CHRFAM7A: variants seen among roughly 807,000 people sequenced by gnomAD.
CHRFAM7A encodes CHRNA7 (exons 5-10) and FAM7A (exons A-E) fusion.
A neutral mutation model predicts 29.2 loss-of-function variants in CHRFAM7A; 3 were observed. The ratio of observed to expected loss-of-function variants is 0.10; its 90% CI spans 0.05 to 0.27. The LOEUF (loss-of-function observed/expected upper bound fraction) is 0.27, where lower values mean the gene tolerates loss of function less well. Among genes scored for constraint, CHRFAM7A ranks in the 10% least tolerant of loss-of-function variants. The pLI, the probability that CHRFAM7A is intolerant of heterozygous loss-of-function variation, is 1.00. For missense variants in CHRFAM7A, 22 were observed against 328.0 expected, an observed-to-expected ratio of 0.07 and a Z score of 7.21; for synonymous variants, 7 against 135.4, an observed-to-expected ratio of 0.05 and a Z score of 6.58.
Position 30,373,818 on chromosome 15 carries a change from G to A in CHRFAM7A, c.161-673C>T, listed in dbSNP as rs1461066146. 1.8e-4 allele frequency among the ~76,000 whole-genome samples: 17 copies of A among 92,730 alleles called. No individual in the cohort carries two copies. The East Asian group carries it at 3.6e-3, about 20-fold the overall frequency. 60.8% of individuals were successfully genotyped at this position (92,730 alleles called of 152,430 possible). ...ATCTCTAATAAAAAAAATTAGCTGG[G>A]TGAGGTGATGCATGCCTGTAGTCCC... is the stretch of plus-strand genomic sequence containing the variant. On this transcript the variant is annotated intron_variant, in intron 5 of 9. Transcript: ENST00000299847.
chr15:30,363,016 A>C (rs1472102671), intron 9 of CHRFAM7A, among the ~76,000 whole-genome samples: 1 of 151,494 alleles, frequency 6.6e-6, no homozygotes, highest in Non-Finnish European at 1.5e-5. Flanking sequence ...AAACTGATGC[A>C]CCCTGGGAAC....
At chr15:30,372,450 C>CAA (rs2058872164) in intron 6 of CHRFAM7A, 109 bp from the exon 7 acceptor site, 1 of 67,230 alleles carries the variant, frequency 1.5e-5, no homozygotes, top group Non-Finnish European at 2.2e-5. Flanking sequence ...TTGCAAAGTG[C>CAA]TAAAAAAAAA....
intron 5 of CHRFAM7A, among the ~76,000 whole-genome samples, chr15:30,375,682 GGTGT>G (rs1279900356): frequency 2.8e-5 from 4 of 143,446 alleles, no homozygotes; most frequent in African/African-American, 1.0e-4. Context: ...GTGTGTGTCT[GGTGT>G]GTGTGTGTTG....
intron 5 of CHRFAM7A, among the ~76,000 whole-genome samples, chr15:30,373,977 TAAAACAAACA>T (rs1293483991): frequency 5.8e-5 from 8 of 138,416 alleles, no homozygotes; most frequent in Non-Finnish European, 9.6e-5. Flanking sequence ...GAAAAAAAGT[TAAAACAAACA>T]AACAAACAAA....
intron 1 of CHRFAM7A, among the ~76,000 whole-genome samples, chr15:30,390,141 CT>C (rs1351618835): frequency 2.6e-5 from 2 of 76,096 alleles, no homozygotes; most frequent in Non-Finnish European, 5.0e-5. Context: ...AACTGACAAG[CT>C]GATCTTAAAA....
chr15:30,371,587 G>C (rs2058858694), intron 7 of CHRFAM7A, among the ~76,000 whole-genome samples: 1 of 149,940 alleles, frequency 6.7e-6, no homozygotes, highest in African/African-American at 2.5e-5. Context: ...TGTGACCTTA[G>C]ATACAACATT....
chr15:30,377,871 T>C lies in CHRFAM7A; in HGVS notation c.81-762A>G, dbSNP rs900758317. On this transcript the variant is annotated intron_variant, in intron 4 of 9. Coordinates refer to ENST00000299847, the MANE Select transcript of CHRFAM7A (RefSeq NM_139320.2). ...TTATGTGTAATTTACAAGTAACACATTTTAAAGTTACAGTATTACACTATT... is the reference window on the plus strand; with the variant it reads ...TTATGTGTAATTTACAAGTAACACACTTTAAAGTTACAGTATTACACTATT... Among the ~76,000 whole-genome samples the C allele has an allele frequency of 1.4e-5, 2 of 141,310 alleles. 1 individual carries two copies. Among genetic ancestry groups the C allele is most frequent in the African/African-American group, 5.5e-5 (2 of 36,660 alleles). The allele number at this position is 141,310 out of a possible 152,430, so 92.7% of individuals were successfully genotyped here.
chr15:30,377,596 A>C, intron 4 of CHRFAM7A, among the ~76,000 whole-genome samples: 1 of 122,956 alleles, frequency 8.1e-6, no homozygotes. Flanking sequence ...TTTTTTTGAG[A>C]CAGAGTCTTG....
chr15:30,376,261 T>C (rs2058935958), intron 5 of CHRFAM7A, among the ~76,000 whole-genome samples: 1 of 141,236 alleles, frequency 7.1e-6, no homozygotes, highest in East Asian at 2.2e-4. Context: ...GTGGAGGTAA[T>C]TGCAGGTTGC....
chr15:30,375,661 G>T (rs1383573200), intron 5 of CHRFAM7A, among the ~76,000 whole-genome samples: 1 of 148,586 alleles, frequency 6.7e-6, no homozygotes, highest in Non-Finnish European at 1.5e-5. Context: ...AGTGGTGTGT[G>T]TGAGGGGTGT....
At chr15:30,374,592 G>C (rs1382976923) in intron 5 of CHRFAM7A, among the ~76,000 whole-genome samples, 2 of 143,790 alleles carry the variant, frequency 1.4e-5, no homozygotes, top group African/African-American at 5.3e-5. Context: ...GTGGTTGCTG[G>C]GAGTAGGAAT....
intron 9 of CHRFAM7A, among the ~76,000 whole-genome samples, chr15:30,363,063 C>G (rs955255351): frequency 1.3e-5 from 2 of 151,604 alleles, no homozygotes; most frequent in Non-Finnish European, 2.9e-5. Context: ...ACACTGCAAT[C>G]TCAGGGAAGA....
At chr15:30,375,249 T>TC (rs1283582947) in intron 5 of CHRFAM7A, among the ~76,000 whole-genome samples, 1 of 136,122 alleles carries the variant, frequency 7.3e-6, no homozygotes, top group Admixed American at 7.5e-5. Context: ...GATGGAAGGC[T>TC]CCCCCCACTA....
In CHRFAM7A at chr15:30,376,421, C is replaced by A. The variant is rs905681374; in HGVS notation, c.160+609G>T. Among the ~76,000 whole-genome samples the A allele has an allele frequency of 6.8e-5, 6 of 87,670 alleles. No individual in the cohort carries two copies. In the South Asian group the frequency reaches 2.2e-3, roughly 33 times the overall value. The allele number at this position is 87,670 out of a possible 152,430, so 57.5% of individuals were successfully genotyped here. On this transcript the variant is annotated intron_variant, in intron 5 of 9. Coordinates refer to ENST00000299847, the MANE Select transcript of CHRFAM7A (RefSeq NM_139320.2). ...CACCTTTAGGCCATAAACCCATTTC[C>A]CTTGCCCTGTGAATCGACTGAAAAG...
intron 9 of CHRFAM7A, 98 bp downstream of exon 9, chr15:30,367,320 T>C: frequency 6.9e-7 from 1 of 1,441,348 alleles, no homozygotes; most frequent in Non-Finnish European, 9.5e-7. Context: ...GCTATTTCTT[T>C]AGGAATGCCC....
At chr15:30,375,679 T>TG (rs375318103) in intron 5 of CHRFAM7A, among the ~76,000 whole-genome samples, 14,835 of 130,284 alleles carry the variant, frequency 0.11, 16 homozygotes, top group African/African-American at 0.14. Flanking sequence ...TGTGTGTGTG[T>TG]CTGGTGTGTG....
At chr15:30,392,382 G>T (rs2140903355) in intron 1 of CHRFAM7A, among the ~76,000 whole-genome samples, 1 of 46,200 alleles carries the variant, frequency 2.2e-5, no homozygotes. Flanking sequence ...CTGGTGGCGG[G>T]CGCCTGTAAT....
At position 30,370,960 on chromosome 15, in the gene CHRFAM7A, T is replaced by A. The variant is rs567087305; in HGVS notation, c.610+138A>T. The A allele has an allele frequency of 9.4e-6, 14 of 1,494,002 alleles. No homozygotes were observed. In the East Asian group the frequency reaches 1.1e-4, roughly 12 times the overall value. The allele number at this position is 1,494,002 out of a possible 1,614,324, so 92.5% of individuals were successfully genotyped here. On this transcript the variant is annotated intron_variant, in intron 8 of 9. Transcript: ENST00000299847. ...CTTGGGCCCGGGTGACTCTGAATAG[T>A]TACAGCAAATCATCACCTTCCAGAG...
intron 5 of CHRFAM7A, among the ~76,000 whole-genome samples, chr15:30,374,350 G>A (rs1301362527): frequency 7.2e-3 from 681 of 94,152 alleles, no homozygotes; most frequent in African/African-American, 0.027. Flanking sequence ...ACCGAGTTGG[G>A]AAAAGATACA....
Sources: gnomAD v4.1 joint callset for allele counts (sites outside exome capture counted in the v4.1 genomes callset) on GRCh38, gnomAD v4.1.1 for gene constraint, MANE v1.5 for transcripts, NCBI Gene and HGNC (gene_info 2026-07-23, HGNC 2026-07-21) for gene names.